Variants in AP3B1 observed in about 807,000 individuals in gnomAD.
AP3B1 encodes AP-3 complex subunit beta-1.
AP3B1 carries 61 observed loss-of-function variants against 132.5 expected under a neutral mutation model. The ratio of observed to expected loss-of-function variants is 0.46; its 90% CI spans 0.37 to 0.57. AP3B1 has a LOEUF of 0.57. AP3B1 is among the 20% of genes least tolerant of loss of function. The pLI is 0.00. For missense variants in AP3B1, 1,120 were observed against 1,289.4 expected (o/e 0.87, Z 2.01); for synonymous variants, 388 against 438.3 (o/e 0.89, Z 1.43).
In AP3B1 at chr5:78,089,331, A is replaced by C. The variant is rs972437977; in HGVS notation, c.2577+62T>G. On this transcript the variant is annotated intron_variant, in intron 22 of 26. Coordinates refer to ENST00000255194, the MANE Select transcript of AP3B1 (RefSeq NM_003664.5). ...AATCCACTTCAAGTATTTACATTTTAATAAAAAAGATACAATGGCAACATA... is the reference window on the plus strand; with the variant it reads ...AATCCACTTCAAGTATTTACATTTTCATAAAAAAGATACAATGGCAACATA... 6.6e-6 allele frequency: 8 copies of C among 1,219,470 alleles called. No homozygotes were observed. In the African/African-American group the frequency reaches 9.1e-5, roughly 14 times the overall value. The allele number at this position is 1,219,470 out of a possible 1,614,324, so 75.5% of individuals were successfully genotyped here.
At chr5:78,215,022 T>C (rs2112475258) in intron 7 of AP3B1, among the ~76,000 whole-genome samples, 1 of 152,226 alleles carries the variant, frequency 6.6e-6, no homozygotes. Context: ...TAAATCAATA[T>C]AGAAAATAGT....
chr5:78,005,908 A>G (rs1746372889), intron 26 of AP3B1, among the ~76,000 whole-genome samples: 3 of 152,196 alleles, frequency 2.0e-5, no homozygotes, highest in Admixed American at 6.5e-5. Context: ...ATAAATAGCT[A>G]GCTTTGGGAT....
At chr5:78,127,235 T>A (rs963648398) in intron 17 of AP3B1, among the ~76,000 whole-genome samples, 1 of 152,206 alleles carries the variant, frequency 6.6e-6, no homozygotes, top group Admixed American at 6.5e-5. Flanking sequence ...ACCCCAGTTA[T>A]CTGAATCCTA....
intron 14 of AP3B1, among the ~76,000 whole-genome samples, chr5:78,150,803 C>T (rs1361041624): frequency 6.6e-6 from 1 of 151,912 alleles, no homozygotes; most frequent in Non-Finnish European, 1.5e-5. Flanking sequence ...TTCAGACTTA[C>T]AAGAAGAGTA....
chr5:78,081,009 C>A (rs761300983), intron 22 of AP3B1, among the ~76,000 whole-genome samples: 18 of 152,070 alleles, frequency 1.2e-4, no homozygotes, highest in Non-Finnish European at 2.5e-4. Context: ...TTTCAAAATA[C>A]AAATGGATGG....
At chr5:78,251,018 C>T (rs1161146645) in intron 2 of AP3B1, among the ~76,000 whole-genome samples, 1 of 151,922 alleles carries the variant, frequency 6.6e-6, no homozygotes, top group Admixed American at 6.6e-5. Flanking sequence ...AATAGGAAGG[C>T]TAAGAGAGAA....
chr5:78,164,983 A>C (rs1426418087), intron 12 of AP3B1, among the ~76,000 whole-genome samples: 1 of 152,200 alleles, frequency 6.6e-6, no homozygotes, highest in African/African-American at 2.4e-5. Context: ...ACTGATGTAA[A>C]GTTTTCTATT....
At chr5:78,212,099 C>A (rs1410525685) in intron 7 of AP3B1, among the ~76,000 whole-genome samples, 2 of 152,014 alleles carry the variant, frequency 1.3e-5, no homozygotes, top group South Asian at 2.1e-4. Flanking sequence ...GGCCAACATG[C>A]CGAAACCCCA....
intron 7 of AP3B1, among the ~76,000 whole-genome samples, chr5:78,189,118 T>TG (rs1431966074): frequency 6.6e-6 from 1 of 152,012 alleles, no homozygotes; most frequent in Non-Finnish European, 1.5e-5. Flanking sequence ...AGCTAATGGA[T>TG]GCTGGGCTTA....
At chr5:78,084,841 G>T (rs1750170600) in intron 22 of AP3B1, among the ~76,000 whole-genome samples, 1 of 151,774 alleles carries the variant, frequency 6.6e-6, no homozygotes, top group Admixed American at 6.6e-5. Flanking sequence ...CAGTACAATT[G>T]TACAATTTTA....
At chr5:78,027,896 C>T (rs578062897) in intron 24 of AP3B1, among the ~76,000 whole-genome samples, 95 of 152,112 alleles carry the variant, frequency 6.2e-4, no homozygotes, top group Admixed American at 1.7e-3. Context: ...GAGGCCGAGG[C>T]GGGCAGATCA....
chr5:78,263,837 ACG>A (rs1748204810), intron 2 of AP3B1, among the ~76,000 whole-genome samples: 4 of 152,168 alleles, frequency 2.6e-5, no homozygotes, highest in Non-Finnish European at 5.9e-5. Context: ...CAGTCGTGCC[ACG>A]TTTTGGTCAA....
chr5:78,129,349 A>T (rs1443310728), intron 15 of AP3B1, 42 bp from the exon 16 acceptor site: 2 of 1,443,462 alleles, frequency 1.4e-6, no homozygotes, highest in South Asian at 2.3e-5. Flanking sequence ...ACAGTTATTT[A>T]TGATTATCGA....
intron 7 of AP3B1, among the ~76,000 whole-genome samples, chr5:78,209,306 C>A (rs114532064): frequency 0.012 from 1,772 of 152,250 alleles, 19 homozygotes; most frequent in Middle Eastern, 0.024. Flanking sequence ...GACCTTAAGT[C>A]TGATAAACAT....
intron 2 of AP3B1, among the ~76,000 whole-genome samples, chr5:78,265,270 C>T (rs868448057): frequency 2.2e-4 from 34 of 152,030 alleles, no homozygotes; most frequent in African/African-American, 7.2e-4. Flanking sequence ...GACCCTGTCT[C>T]TACAAAAAAT....
intron 26 of AP3B1, among the ~76,000 whole-genome samples, chr5:78,005,127 C>T (rs1467579286): frequency 6.6e-6 from 1 of 152,212 alleles, no homozygotes; most frequent in Non-Finnish European, 1.5e-5. Context: ...TTCATTTATG[C>T]AACTTTTCCC....
At chr5:78,006,357 C>T (rs1263857035) in intron 26 of AP3B1, among the ~76,000 whole-genome samples, 2 of 152,128 alleles carry the variant, frequency 1.3e-5, no homozygotes, top group African/African-American at 4.8e-5. Flanking sequence ...TAAAGTTTTT[C>T]CCATTTACCT....
At chr5:78,078,768 T>G (rs1749866069) in intron 22 of AP3B1, among the ~76,000 whole-genome samples, 1 of 152,264 alleles carries the variant, frequency 6.6e-6, no homozygotes, top group African/African-American at 2.4e-5. Context: ...GACTATGTTT[T>G]ATTAACCTGT....
At chr5:78,124,399 C>T (rs1007328681) in intron 17 of AP3B1, among the ~76,000 whole-genome samples, 13 of 152,008 alleles carry the variant, frequency 8.6e-5, no homozygotes, top group African/African-American at 1.2e-4. Flanking sequence ...GATTATAATG[C>T]GCAGCTACAT....
Sources: allele counts gnomAD v4.1 joint callset (sites outside exome capture counted in the v4.1 genomes callset), GRCh38; gene constraint gnomAD v4.1.1; transcripts MANE v1.5; gene names NCBI Gene and HGNC (gene_info 2026-07-23, HGNC 2026-07-21).